RGS6: variants seen among roughly 807,000 people sequenced by gnomAD.
RGS6 encodes regulator of G-protein signaling 6.
RGS6 carries 30 observed loss-of-function variants against 78.5 expected under a neutral mutation model. The observed-to-expected ratio is 0.38, with a 90% confidence interval of 0.29 to 0.52. The LOEUF (loss-of-function observed/expected upper bound fraction) is 0.52, where lower values mean the gene tolerates loss of function less well. Ranked by LOEUF, RGS6 falls within the 20% of genes least tolerant of loss-of-function variation. RGS6 has a pLI of 0.85. For missense variants in RGS6, 495 were observed against 609.7 expected (o/e 0.81, Z 1.98); for synonymous variants, 206 against 206.0 (o/e 1.00, Z 0.00).
intron 2 of RGS6, among the ~76,000 whole-genome samples, chr14:71,995,729 A>G (rs151024406): frequency 2.4e-4 from 37 of 152,280 alleles, no homozygotes; most frequent in African/African-American, 8.9e-4. Context: ...GTCACCCTTT[A>G]TCTAAACTGC....
At chr14:72,159,926 T>C (rs2096829226) in intron 2 of RGS6, among the ~76,000 whole-genome samples, 1 of 152,232 alleles carries the variant, frequency 6.6e-6, no homozygotes, top group South Asian at 2.1e-4. Context: ...GGTTGACCAG[T>C]TTTTATAATT....
intron 2 of RGS6, among the ~76,000 whole-genome samples, chr14:71,970,399 T>C (rs1048317079): frequency 6.6e-6 from 1 of 152,214 alleles, no homozygotes; most frequent in African/African-American, 2.4e-5. Context: ...TCACTCTTCC[T>C]AATGATTTAG....
Position 72,143,288 on chromosome 14 carries a change from G to A in RGS6, c.84+178413G>A, listed in dbSNP as rs1278802351. 4.0e-5 allele frequency among the ~76,000 whole-genome samples: 6 copies of A among 151,894 alleles called. No homozygotes were observed. In the South Asian group the frequency reaches 8.3e-4, roughly 21 times the overall value. On this transcript the variant is annotated intron_variant, in intron 2 of 17. Coordinates refer to ENST00000553525, the MANE Select transcript of RGS6 (RefSeq NM_001204424.2). ...CTCGGGAGGCTGATGCAGGAGAATC[G>A]CTTGAACCCAAGAGGCAGAGGTTGC...
At chr14:72,429,316 T>G (rs939660326) in intron 3 of RGS6, among the ~76,000 whole-genome samples, 4 of 152,244 alleles carry the variant, frequency 2.6e-5, no homozygotes, top group Non-Finnish European at 4.4e-5. Flanking sequence ...AATTAGGCAT[T>G]CTTAACTTCA....
At position 72,443,131 on chromosome 14, in the gene RGS6, G is replaced by A. The variant is rs181014197; in HGVS notation, c.185-11397G>A. The stretch of plus-strand genomic sequence containing the variant: ...CAGCTCCAAGACAGCTTCCAGTTTC[G>A]GCAGATGGAAGGGATACTTGATGGA... On this transcript the variant is annotated intron_variant, in intron 3 of 17. Coordinates refer to ENST00000553525, the MANE Select transcript of RGS6 (RefSeq NM_001204424.2). Among the ~76,000 whole-genome samples the A allele has an allele frequency of 5.7e-4, 87 of 152,246 alleles. 2 individuals carry two copies. Among genetic ancestry groups the A allele is most frequent in the Admixed American group, 4.1e-3 (63 of 15,300 alleles).
intron 17 of RGS6, among the ~76,000 whole-genome samples, chr14:72,550,079 A>C (rs187366473): frequency 1.5e-3 from 228 of 152,066 alleles, no homozygotes; most frequent in African/African-American, 5.2e-3. Context: ...GCTGCTTTCA[A>C]CTCATCGTGG....
chr14:72,496,099 A>G (rs1479248292), intron 13 of RGS6, among the ~76,000 whole-genome samples: 3 of 152,222 alleles, frequency 2.0e-5, no homozygotes, highest in Non-Finnish European at 4.4e-5. Context: ...AAAAATAATA[A>G]AAGTCGCAGA....
intron 2 of RGS6, among the ~76,000 whole-genome samples, chr14:72,239,166 G>T (rs186255575): frequency 6.6e-6 from 1 of 152,200 alleles, no homozygotes; most frequent in Non-Finnish European, 1.5e-5. Context: ...GTGATGCTAG[G>T]ACTTTCTAGG....
chr14:72,201,987 C>G (rs1201835763), intron 2 of RGS6, among the ~76,000 whole-genome samples: 1 of 152,230 alleles, frequency 6.6e-6, no homozygotes, highest in African/African-American at 2.4e-5. Context: ...TTCACCACCT[C>G]TGACTGGCAA....
At chr14:71,930,560 C>CA (rs1403707297), upstream of RGS6, among the ~76,000 whole-genome samples, 32 of 152,056 alleles carry the variant, frequency 2.1e-4, no homozygotes, top group Admixed American at 5.2e-4. Flanking sequence ...TCTGATTTCA[C>CA]ATATTTTTTT....
At chr14:72,153,538 A>G (rs925499891) in intron 2 of RGS6, among the ~76,000 whole-genome samples, 2 of 152,188 alleles carry the variant, frequency 1.3e-5, no homozygotes, top group South Asian at 2.1e-4. Flanking sequence ...CAGTATTTCA[A>G]TGTAGGTTCT....
chr14:72,180,997 CTTATA>C (rs1187625255), intron 2 of RGS6, among the ~76,000 whole-genome samples: 5 of 152,130 alleles, frequency 3.3e-5, no homozygotes, highest in South Asian at 2.1e-4. Context: ...TAAGAAAGCT[CTTATA>C]TTATAACTCT....
chr14:71,971,432 G>A (rs2093797264), intron 2 of RGS6, among the ~76,000 whole-genome samples: 1 of 151,930 alleles, frequency 6.6e-6, no homozygotes, highest in African/African-American at 2.4e-5. Context: ...TCCTCTTCTG[G>A]GTCCGGACAT....
At chr14:72,413,167 G>A (rs1347847858) in intron 3 of RGS6, among the ~76,000 whole-genome samples, 1 of 152,104 alleles carries the variant, frequency 6.6e-6, no homozygotes, top group Admixed American at 6.6e-5. Flanking sequence ...TGACAGTGGG[G>A]TGTTAAAGTC....
chr14:71,992,364 A>G (rs369303624), intron 2 of RGS6, among the ~76,000 whole-genome samples: 11 of 152,194 alleles, frequency 7.2e-5, no homozygotes, highest in East Asian at 1.9e-4. Flanking sequence ...ATAGTGTTCT[A>G]TCTTATTGAT....
chr14:72,109,700 A>G (rs973412738), intron 2 of RGS6, among the ~76,000 whole-genome samples: 3 of 152,168 alleles, frequency 2.0e-5, no homozygotes, highest in African/African-American at 7.2e-5. Flanking sequence ...TATACACTTT[A>G]TTTCTTCATT....
At chr14:72,398,656 T>C (rs1026619211) in intron 3 of RGS6, among the ~76,000 whole-genome samples, 4 of 152,216 alleles carry the variant, frequency 2.6e-5, no homozygotes, top group African/African-American at 4.8e-5. Context: ...GGTGTCAATT[T>C]TAGACCTTTC....
At chr14:72,554,174 C>T (rs2097541064) in intron 17 of RGS6, among the ~76,000 whole-genome samples, 1 of 152,222 alleles carries the variant, frequency 6.6e-6, no homozygotes, top group South Asian at 2.1e-4. Context: ...AATTGTTATG[C>T]TTTTGTGGGG....
intron 2 of RGS6, among the ~76,000 whole-genome samples, chr14:72,350,723 A>C (rs1279845870): frequency 6.6e-6 from 1 of 152,168 alleles, no homozygotes; most frequent in Admixed American, 6.5e-5. Flanking sequence ...TAAGCCACTG[A>C]CATTTGGGGG....
Sources: allele counts gnomAD v4.1 joint callset (sites outside exome capture counted in the v4.1 genomes callset), GRCh38; gene constraint gnomAD v4.1.1; transcripts MANE v1.5; gene names NCBI Gene and HGNC (gene_info 2026-07-23, HGNC 2026-07-21).